Variants in PKIB observed in about 807,000 individuals in gnomAD.
PKIB encodes the protein PKI-beta.
Under a neutral mutation model 4.5 loss-of-function variants are expected in PKIB, and 2 were observed. The observed-to-expected ratio is 0.44, with a 90% CI of 0.18 to 1.39. The LOEUF is 1.39. PKIB is among the 40% of genes most tolerant of loss of function. The probability of loss-of-function intolerance (pLI) is 0.27; values close to 1 mark genes in which losing one functional copy is unlikely to be tolerated. For synonymous variants in PKIB, 38 were observed against 36.0 expected, an observed-to-expected ratio of 1.06 and a Z score of -0.20; for missense variants, 94 against 92.6, an observed-to-expected ratio of 1.02 and a Z score of -0.06.
intron 2 of PKIB, among the ~76,000 whole-genome samples, chr6:122,525,542 A>G (rs1777070558): frequency 6.6e-6 from 1 of 152,208 alleles, no homozygotes; most frequent in African/African-American, 2.4e-5. Flanking sequence ...CACAGACCAC[A>G]AGATCACAAC....
intron 3 of PKIB, among the ~76,000 whole-genome samples, chr6:122,694,527 C>T (rs890403581): frequency 4.6e-5 from 7 of 152,156 alleles, no homozygotes; most frequent in Non-Finnish European, 1.0e-4. Context: ...CAAGCTGGCA[C>T]AGGTGAGATA....
intron 2 of PKIB, among the ~76,000 whole-genome samples, chr6:122,508,103 T>C (rs999035702): frequency 6.6e-6 from 1 of 152,230 alleles, no homozygotes; most frequent in African/African-American, 2.4e-5. Context: ...GTTTTAAAAA[T>C]GTTTGGAAAG....
intron 1 of PKIB, chr6:122,477,731 T>G (rs1020852883): frequency 2.6e-5 from 4 of 152,212 alleles, no homozygotes; most frequent in Admixed American, 2.6e-4. Context: ...TCTTACCCAA[T>G]TCTCTACACC....
intron 2 of PKIB, among the ~76,000 whole-genome samples, chr6:122,640,547 T>C (rs1776083029): frequency 6.6e-6 from 1 of 152,184 alleles, no homozygotes. Flanking sequence ...CTCATGCAAG[T>C]TGGATGAGTT....
intron 3 of PKIB, among the ~76,000 whole-genome samples, chr6:122,688,688 TATGATAGATTGC>T (rs1243594307): frequency 6.6e-6 from 1 of 152,174 alleles, no homozygotes; most frequent in African/African-American, 2.4e-5. Flanking sequence ...TGATAGATTG[TATGATAGATTGC>T]ATGTCTAGAA....
At chr6:122,473,190 G>A (rs1775356801) in intron 1 of PKIB, among the ~76,000 whole-genome samples, 1 of 152,172 alleles carries the variant, frequency 6.6e-6, no homozygotes, top group African/African-American at 2.4e-5. Flanking sequence ...GTTATTTATG[G>A]GAGAAGAGAA....
At chr6:122,482,345 G>C (rs1021214388) in intron 2 of PKIB, 9 of 152,152 alleles carry the variant, frequency 5.9e-5, no homozygotes, top group African/African-American at 2.2e-4. Flanking sequence ...GTTCCCTGAG[G>C]GTAGTGTGTG....
intron 3 of PKIB, among the ~76,000 whole-genome samples, chr6:122,714,193 T>C (rs1323086132): frequency 6.6e-6 from 1 of 152,174 alleles, no homozygotes; most frequent in Non-Finnish European, 1.5e-5. Context: ...GAAAGTGCCA[T>C]CTTCCTACAT....
intron 2 of PKIB, among the ~76,000 whole-genome samples, chr6:122,527,916 C>T (rs1777141083): frequency 6.6e-6 from 1 of 151,786 alleles, no homozygotes; most frequent in African/African-American, 2.4e-5. Context: ...TATTTAAATC[C>T]CCTGTTTTCT....
intron 3 of PKIB, among the ~76,000 whole-genome samples, chr6:122,703,610 G>A (rs2115033776): frequency 6.6e-6 from 1 of 152,042 alleles, no homozygotes; most frequent in East Asian, 1.9e-4. Context: ...AATAAAAACA[G>A]TGTGTGGATT....
At chr6:122,552,662 G>A (rs913763303) in intron 2 of PKIB, among the ~76,000 whole-genome samples, 4 of 152,114 alleles carry the variant, frequency 2.6e-5, no homozygotes, top group African/African-American at 9.7e-5. Flanking sequence ...ACAGGCACGA[G>A]CCACCACACC....
rs372877416 is a variant in PKIB, at chr6:122,539,888, C to T, written c.-247-46033C>T. 4.6e-5 allele frequency among the ~76,000 whole-genome samples: 7 copies of T among 152,066 alleles called. No homozygotes were observed. The South Asian group carries it at 8.3e-4, about 18-fold the overall frequency. ...GTTATTGGTCTATTCAGAGATTCAA[C>T]TTCTTCCTGGTTTAGTCTTGGGAGG... On this transcript the variant is annotated intron_variant, in intron 2 of 6. Coordinates refer to the PKIB transcript ENST00000392491.
intron 2 of PKIB, among the ~76,000 whole-genome samples, chr6:122,576,843 A>G (rs1468250854): frequency 6.6e-6 from 1 of 151,542 alleles, no homozygotes; most frequent in Non-Finnish European, 1.5e-5. Context: ...AATTAAGTAT[A>G]ACTTGCCTGG....
intron 2 of PKIB, among the ~76,000 whole-genome samples, chr6:122,500,441 A>G (rs1009836224): frequency 4.6e-5 from 7 of 151,726 alleles, no homozygotes; most frequent in African/African-American, 1.7e-4. Flanking sequence ...CATTACATTT[A>G]CACAGTTAGC....
At chr6:122,541,566 G>T (rs1203560755) in intron 2 of PKIB, among the ~76,000 whole-genome samples, 1 of 151,928 alleles carries the variant, frequency 6.6e-6, no homozygotes, top group African/African-American at 2.4e-5. Flanking sequence ...TTAATCTGAT[G>T]GGCTTCCCTT....
At chr6:122,550,897 G>A (rs746440550) in intron 2 of PKIB, among the ~76,000 whole-genome samples, 31 of 152,148 alleles carry the variant, frequency 2.0e-4, no homozygotes, top group Admixed American at 1.0e-3. Context: ...TTATTTTACC[G>A]TATCACTGCT....
At chr6:122,570,463 A>G (rs1306784119) in intron 2 of PKIB, among the ~76,000 whole-genome samples, 2 of 152,190 alleles carry the variant, frequency 1.3e-5, no homozygotes, top group East Asian at 3.8e-4. Context: ...AAAACACTGG[A>G]GAAAAATTAA....
At chr6:122,606,322 C>G (rs2114749145), upstream of PKIB, among the ~76,000 whole-genome samples, 1 of 152,292 alleles carries the variant, frequency 6.6e-6, no homozygotes, top group Middle Eastern at 3.4e-3. Flanking sequence ...CCTGTAATCC[C>G]AGCACTTTGG....
At chr6:122,723,886 A>G (rs374583177) in intron 4 of PKIB, among the ~76,000 whole-genome samples, 1 of 151,952 alleles carries the variant, frequency 6.6e-6, no homozygotes, top group Admixed American at 6.6e-5. Flanking sequence ...TTGACCACAC[A>G]TTTCATTTAT....
Sources: allele counts gnomAD v4.1 joint callset (sites outside exome capture counted in the v4.1 genomes callset), GRCh38; gene constraint gnomAD v4.1.1; transcripts MANE v1.5; gene names NCBI Gene and HGNC (gene_info 2026-07-23, HGNC 2026-07-21).